Variants in PDZRN3 observed in about 807,000 individuals in gnomAD.
PDZRN3 encodes the protein E3 ubiquitin-protein ligase PDZRN3.
Under a neutral mutation model 85.7 loss-of-function variants are expected in PDZRN3, and 38 were observed. That is an observed-to-expected ratio of 0.44 (90% confidence interval 0.34 to 0.58). PDZRN3 has a LOEUF of 0.58. Ranked by LOEUF, PDZRN3 falls within the 20% of genes least tolerant of loss-of-function variation. PDZRN3 has a pLI of 0.01. For missense variants in PDZRN3, 1,629 were observed against 1,506.4 expected, an observed-to-expected ratio of 1.08 and a Z score of -1.35; for synonymous variants, 759 against 638.0, an observed-to-expected ratio of 1.19 and a Z score of -2.86.
chr3:73,496,694 T>C (rs1703873868), intron 3 of PDZRN3, among the ~76,000 whole-genome samples: 1 of 152,052 alleles, frequency 6.6e-6, no homozygotes, highest in South Asian at 2.1e-4. Flanking sequence ...TTATAGTTAG[T>C]AATAAAAAAG....
intron 5 of PDZRN3, among the ~76,000 whole-genome samples, chr3:73,391,396 C>T (rs893698873): frequency 2.6e-5 from 4 of 152,204 alleles, no homozygotes; most frequent in African/African-American, 9.6e-5. Context: ...GTCAAGACTT[C>T]TGGGGCAGGG....
At chr3:73,403,528 C>T (rs1285871273) in intron 4 of PDZRN3, among the ~76,000 whole-genome samples, 1 of 152,112 alleles carries the variant, frequency 6.6e-6, no homozygotes, top group African/African-American at 2.4e-5. Context: ...ACCCAAGTTC[C>T]ACAACTAGAA....
At chr3:73,591,133 A>T (rs1702351709) in intron 3 of PDZRN3, among the ~76,000 whole-genome samples, 1 of 152,218 alleles carries the variant, frequency 6.6e-6, no homozygotes, top group African/African-American at 2.4e-5. Context: ...AGACATAAAA[A>T]GTTACCCTAA....
intron 3 of PDZRN3, among the ~76,000 whole-genome samples, chr3:73,581,316 A>G (rs758773065): frequency 2.0e-5 from 3 of 152,262 alleles, no homozygotes; most frequent in Non-Finnish European, 4.4e-5. Context: ...TTGAATAAAC[A>G]TGACTCTACT....
intron 3 of PDZRN3, among the ~76,000 whole-genome samples, chr3:73,538,127 G>A (rs550367643): frequency 1.3e-5 from 2 of 152,244 alleles, no homozygotes; most frequent in South Asian, 4.1e-4. Context: ...ACTTTTCCCA[G>A]GCCTGGGCCA....
At chr3:73,590,521 T>C (rs889191961) in intron 3 of PDZRN3, among the ~76,000 whole-genome samples, 10 of 152,170 alleles carry the variant, frequency 6.6e-5, no homozygotes, top group African/African-American at 1.4e-4. Flanking sequence ...ACTTGGGCAT[T>C]TGAATGGAGA....
chr3:73,472,050 TAAGA>T (rs1703353400), intron 3 of PDZRN3, among the ~76,000 whole-genome samples: 2 of 152,214 alleles, frequency 1.3e-5, no homozygotes, highest in Admixed American at 6.5e-5. Context: ...TTACTATTTT[TAAGA>T]TACTGTTGTG....
intron 3 of PDZRN3, among the ~76,000 whole-genome samples, chr3:73,408,545 T>TGC (rs1369781292): frequency 6.6e-6 from 1 of 150,824 alleles, no homozygotes; most frequent in African/African-American, 2.5e-5. Flanking sequence ...GGTACCAATA[T>TGC]GCACATGGAT....
intron 3 of PDZRN3, chr3:73,408,053 C>T (rs182983710): frequency 1.5e-6 from 1 of 664,312 alleles, no homozygotes; most frequent in Non-Finnish European, 2.7e-6. Context: ...TTTCTGACAA[C>T]TGTGCCCAAG....
chr3:73,460,862 C>T (rs966000270), intron 3 of PDZRN3, among the ~76,000 whole-genome samples: 6 of 152,014 alleles, frequency 3.9e-5, no homozygotes, highest in African/African-American at 1.5e-4. Context: ...GGCACAATCT[C>T]GGCTCACTGC....
At chr3:73,580,894 A>T (rs1214439455) in intron 3 of PDZRN3, among the ~76,000 whole-genome samples, 1 of 152,180 alleles carries the variant, frequency 6.6e-6, no homozygotes, top group Non-Finnish European at 1.5e-5. Flanking sequence ...GTCTTGCTTT[A>T]TAACAATAAA....
intron 3 of PDZRN3, among the ~76,000 whole-genome samples, chr3:73,410,251 C>T (rs1701939508): frequency 6.6e-6 from 1 of 152,122 alleles, no homozygotes; most frequent in Non-Finnish European, 1.5e-5. Flanking sequence ...TTTATAGTCT[C>T]CTCTAGGGCT....
At chr3:73,474,560 C>G in intron 3 of PDZRN3, 2 of 1,285,898 alleles carry the variant, frequency 1.6e-6, no homozygotes, top group African/African-American at 1.5e-5. Context: ...CTCAGTGAAG[C>G]AAGGCAGCCT....
intron 3 of PDZRN3, among the ~76,000 whole-genome samples, chr3:73,554,351 AAG>A (rs1283586233): frequency 3.3e-5 from 3 of 91,056 alleles, no homozygotes; most frequent in Non-Finnish European, 6.2e-5. Flanking sequence ...TTGTTGAGAG[AAG>A]ACACACACAC....
intron 2 of PDZRN3, among the ~76,000 whole-genome samples, chr3:73,605,281 A>C (rs1464926258): frequency 2.0e-5 from 3 of 151,874 alleles, no homozygotes; most frequent in Admixed American, 1.3e-4. Context: ...CTCCTCTCCT[A>C]AGAGAGTTAG....
chr3:73,435,293 A>G (rs1270054961), intron 3 of PDZRN3, among the ~76,000 whole-genome samples: 1 of 152,058 alleles, frequency 6.6e-6, no homozygotes, highest in Non-Finnish European at 1.5e-5. Context: ...GAGGGTGAGG[A>G]GCCTTCCTTC....
chr3:73,472,297 G>A (rs564790191), intron 3 of PDZRN3, among the ~76,000 whole-genome samples: 2 of 152,340 alleles, frequency 1.3e-5, no homozygotes, highest in Admixed American at 6.5e-5. Flanking sequence ...GCCTGAGGCC[G>A]AGAGTAGACA....
rs572852201 is a variant in PDZRN3, at chr3:73,613,798, G to T, written c.724-5114C>A. Among the ~76,000 whole-genome samples, 5 of 152,132 alleles carry T rather than the reference G, an allele frequency of 3.3e-5. No individual in the cohort carries two copies. The South Asian group carries it at 1.0e-3, about 32-fold the overall frequency. ...GGAGCCCAGTGACATCTGTTTCCTT[G>T]GGCTTGGCAGGAAGCTCTATCAGAT... On this transcript the variant is annotated intron_variant, in intron 1 of 9. Transcript: ENST00000263666.
chr3:73,605,825 C>G (rs2106901375), intron 2 of PDZRN3, among the ~76,000 whole-genome samples: 1 of 152,340 alleles, frequency 6.6e-6, no homozygotes. Flanking sequence ...AAATTTTCCT[C>G]TGGGGACCAT....
Sources: gnomAD v4.1 joint callset for allele counts (sites outside exome capture counted in the v4.1 genomes callset) on GRCh38, gnomAD v4.1.1 for gene constraint, MANE v1.5 for transcripts, NCBI Gene and HGNC (gene_info 2026-07-23, HGNC 2026-07-21) for gene names.